Variants in ZBTB4 observed in about 807,000 individuals in gnomAD.
ZBTB4 encodes the protein zinc finger and BTB domain containing 4, also known as zinc finger and BTB domain-containing protein 4.
A neutral mutation model predicts 59.8 loss-of-function variants in ZBTB4; 14 were observed. The ratio of observed to expected loss-of-function variants is 0.23; its 90% CI spans 0.15 to 0.37. The LOEUF (loss-of-function observed/expected upper bound fraction) is 0.37. Among genes scored for constraint, ZBTB4 ranks in the 10% least tolerant of loss-of-function variants. The pLI is 1.00. For missense variants in ZBTB4, 1,198 were observed against 1,380.8 expected, an observed-to-expected ratio of 0.87 and a Z score of 2.10; for synonymous variants, 587 against 575.2, an observed-to-expected ratio of 1.02 and a Z score of -0.29.
In ZBTB4 at chr17:7,466,760, G is replaced by A. The variant is rs577997124; in HGVS notation, c.42C>T (p.Pro14=). The change falls in exon 3 of 4, where the codon CCC becomes CCT. Residue 14 remains proline, a synonymous_variant. Coordinates refer to ENST00000380599, the MANE Select transcript of ZBTB4 (RefSeq NM_001128833.2). This position sits in a 1 kb window ranked among gnomAD's most constrained non-coding sequence, Gnocchi z 9.1. The part of the protein sequence containing the change: ...PAEVTDPSHA[P]AVLRQLNEQR... ...GTTCATTGAGCTGGCGCAGGACGGC[G>A]GGGGCATGGGACGGGTCCGTCACCT... 2.4e-5 allele frequency: 38 copies of A among 1,587,334 alleles called. No individual in the cohort carries two copies. The highest frequency in any genetic ancestry group is 1.9e-4 in the South Asian group (17 of 87,516).
rs750767210 is a variant in ZBTB4 at position 7,462,354 on chromosome 17, T to C, written c.2628A>G (p.Pro876=). The C allele has an allele frequency of 3.7e-6, 6 of 1,613,616 alleles. No homozygotes were observed. The highest frequency in any genetic ancestry group is 5.1e-6 in the Non-Finnish European group (6 of 1,179,938). The change falls in exon 4 of 4, where the codon CCA becomes CCG. Residue 876 remains proline (P), a synonymous_variant. Coordinates refer to ENST00000380599, the MANE Select transcript of ZBTB4 (RefSeq NM_001128833.2). The surrounding 1 kb of genome is among the most constrained non-coding windows in gnomAD (Gnocchi z 7.5). ...SYVYPPVQEF[P]LALIGGGREP... ...CCCGGCCGCCCCCAATCAAGGCCAG[T>C]GGAAATTCCTGCACAGGTGGGTATA...
Position 7,466,101 on chromosome 17 carries a change from A to G in ZBTB4, c.701T>C (p.Leu234Pro). ...GCTTTTTCCACACTGGGGGCAGGGG[A>G]GGGGCCGCCGGGGCAGGGAGCACTG... ...DLQCSLPRRP[L>P]PCPQCGKSFI... Residue 234 changes from leucine (L) to proline (P), a missense_variant, in exon 3 of 4, where the codon CTC becomes CCC. Transcript: ENST00000380599. This position sits in a 1 kb window ranked among gnomAD's most constrained non-coding sequence, Gnocchi z 9.1. 6.2e-7 allele frequency: 1 copy of G among 1,605,680 alleles called. No individual in the cohort carries two copies. The highest frequency in any genetic ancestry group is 8.5e-7 in the Non-Finnish European group (1 of 1,175,068).
chr17:7,479,047 C>T (rs376829527), intron 1 of ZBTB4, among the ~76,000 whole-genome samples: 1 of 152,130 alleles, frequency 6.6e-6, no homozygotes, highest in Non-Finnish European at 1.5e-5. Context: ...CTCTGCCTGG[C>T]TCCTACGCCA....
At chr17:7,478,991 C>G (rs2070306778) in intron 1 of ZBTB4, among the ~76,000 whole-genome samples, 1 of 152,196 alleles carries the variant, frequency 6.6e-6, no homozygotes, top group Non-Finnish European at 1.5e-5. Context: ...CCTGCGCACC[C>G]CGCACACCCC....
rs749423536 is a variant in ZBTB4, at chr17:7,463,029, ATCC to A, written c.1950_1952del (p.Glu650del). On this transcript the variant is annotated inframe_deletion, in exon 4 of 4. Coordinates refer to ENST00000380599, the MANE Select transcript of ZBTB4 (RefSeq NM_001128833.2). ...CCCCACCAGCCTTTGATTCCTCCTC[ATCC>A]TCCTCCTCCTCCTCTTCGTCCTCCT... is the stretch of plus-strand genomic sequence containing the variant. The A allele has an allele frequency of 3.4e-4, 542 of 1,607,048 alleles. No individual in the cohort carries two copies. Among genetic ancestry groups the A allele is most frequent in the Middle Eastern group, 1.3e-3 (8 of 6,052 alleles).
At position 7,479,565 on chromosome 17, in the gene ZBTB4, T is replaced by TGGCCCCCACAGCGCCTGGCCCC. The variant is rs1597783054; in HGVS notation, c.-191_-190insGGGGCCAGGCGCTGTGGGGGCC. 1 of 167,800 alleles carries TGGCCCCCACAGCGCCTGGCCCC rather than the reference T, an allele frequency of 6.0e-6. No individual in the cohort carries two copies. Among genetic ancestry groups the TGGCCCCCACAGCGCCTGGCCCC allele is most frequent in the African/African-American group, 2.4e-5 (1 of 41,300 alleles). 10.4% of individuals were successfully genotyped at this position (167,800 alleles called of 1,614,324 possible). The stretch of plus-strand genomic sequence containing the variant: ...CCGGCTCCGGCTCCAGCTCCGGCCC[T>TGGCCCCCACAGCGCCTGGCCCC]GGCCCCCCCAGCGCCTGGCCCCGGC... On this transcript the variant is annotated 5_prime_UTR_variant, in exon 1 of 4. The change creates a premature stop within an existing upstream ORF in the 5' untranslated region. Transcript: ENST00000380599.
At chr17:7,471,182 G>GA (rs879299220) in intron 1 of ZBTB4, among the ~76,000 whole-genome samples, 9 of 136,918 alleles carry the variant, frequency 6.6e-5, no homozygotes, top group East Asian at 4.0e-4. Context: ...TGCCATTTAT[G>GA]AAAAAAATTT....
In ZBTB4 at chr17:7,466,555, C is replaced by G. The variant is rs2150855584; in HGVS notation, c.247G>C (p.Ala83Pro). 6.2e-7 allele frequency: 1 copy of G among 1,612,586 alleles called. No homozygotes were observed. The highest frequency in any genetic ancestry group is 8.5e-7 in the Non-Finnish European group (1 of 1,179,408). ...GAAPNPATTT[A>P]ASSSSSSSSS... The stretch of plus-strand genomic sequence containing the variant: ...GAAGAGGAGGAGGAGGAAGAGGCAG[C>G]TGTGGTGGTGGCAGGGTTGGGTGCG... Residue 83 changes from alanine (A) to proline (P), a missense_variant, in exon 3 of 4, where the codon GCT (alanine) becomes CCT (proline). Transcript: ENST00000380599. This position sits in a 1 kb window ranked among gnomAD's most constrained non-coding sequence, Gnocchi z 9.1.
chr17:7,483,972 C>T (rs1293426802), upstream of ZBTB4: 1 of 147,758 alleles, frequency 6.8e-6, no homozygotes, highest in East Asian at 1.9e-4. Flanking sequence ...CGCCCTTCCC[C>T]GGGAGGACCC....
At chr17:7,475,797 G>C (rs935291253) in intron 1 of ZBTB4, among the ~76,000 whole-genome samples, 3 of 152,120 alleles carry the variant, frequency 2.0e-5, no homozygotes, top group Admixed American at 6.6e-5. Flanking sequence ...TACCTTACTC[G>C]AGGTCGCACA....
intron 1 of ZBTB4, among the ~76,000 whole-genome samples, chr17:7,469,840 T>C (rs2070175711): frequency 6.6e-6 from 1 of 151,788 alleles, no homozygotes. Context: ...TCCTAGCAGT[T>C]TGGGAGGCAG....
intron 1 of ZBTB4, among the ~76,000 whole-genome samples, chr17:7,471,182 GA>G (rs879299220): frequency 1.0e-4 from 14 of 136,900 alleles, no homozygotes; most frequent in African/African-American, 1.4e-4. Context: ...TGCCATTTAT[GA>G]AAAAAATTTT....
chr17:7,473,205 C>G (rs1236326002), intron 1 of ZBTB4, among the ~76,000 whole-genome samples: 3 of 151,210 alleles, frequency 2.0e-5, no homozygotes, highest in South Asian at 4.2e-4. Flanking sequence ...CTCCGCCTCC[C>G]GGGTTCACGC....
intron 1 of ZBTB4, among the ~76,000 whole-genome samples, chr17:7,467,591 A>G (rs1180638167): frequency 6.6e-6 from 1 of 152,136 alleles, no homozygotes; most frequent in Non-Finnish European, 1.5e-5. Flanking sequence ...TGACAAGATA[A>G]TTTGCATATT....
intron 1 of ZBTB4, among the ~76,000 whole-genome samples, chr17:7,475,604 G>GC: frequency 6.6e-6 from 1 of 152,036 alleles, no homozygotes; most frequent in East Asian, 1.9e-4. Context: ...CGCCCAGCTA[G>GC]TTTTTTTATT....
At chr17:7,470,968 G>A (rs960721317) in intron 1 of ZBTB4, among the ~76,000 whole-genome samples, 1 of 152,160 alleles carries the variant, frequency 6.6e-6, no homozygotes, top group African/African-American at 2.4e-5. Flanking sequence ...GCAAAGTCAA[G>A]CTTTGCCTCC....
rs2070032203 is a variant in ZBTB4, at chr17:7,462,263, T to C, written c.2719A>G (p.Met907Val). The change falls in exon 4 of 4, where the codon ATG becomes GTG. Residue 907 changes from methionine to valine, a missense_variant. By Grantham distance (21) the Met-to-Val change is conservative (BLOSUM62 1). Around this residue, in one of 9 missense-constraint regions of ZBTB4, gnomAD observed 211 missense variants for 236.1 expected, o/e 0.89. Transcript: ENST00000380599. The surrounding 1 kb of genome is among the most constrained non-coding windows in gnomAD (Gnocchi z 7.5). ...ACTTTGGCAGCCCCTATCCCCTCCA[T>C]CCGGTCCCCCTCACCAGCCCCCACT... ...GPVGAGEGDR[M>V]EGIGAAKVTF... 1 of 1,613,648 alleles carries C rather than the reference T, an allele frequency of 6.2e-7. No homozygotes were observed. Among genetic ancestry groups the C allele is most frequent in the Non-Finnish European group, 8.5e-7 (1 of 1,179,794 alleles).
chr17:7,482,337 C>T (rs771543992), upstream of ZBTB4: 1 of 1,614,036 alleles, frequency 6.2e-7, no homozygotes, highest in Non-Finnish European at 8.5e-7. Context: ...ATTGGATGTG[C>T]CTACAGTGCG....
chr17:7,466,832 C>T lies in ZBTB4; in HGVS notation c.-9-22G>A, dbSNP rs1257891764. 11 of 1,504,478 alleles carry T rather than the reference C, an allele frequency of 7.3e-6. No individual in the cohort carries two copies. The highest frequency in any genetic ancestry group is 2.2e-5 in the Admixed American group (1 of 46,174). The allele number at this position is 1,504,478 out of a possible 1,614,324, so 93.2% of individuals were successfully genotyped here. ...CAGCCTAGACAGTGGGAGAAGAGGC[C>T]GGGTAGAGTCTCAGAGGCTGGGCAG... On this transcript the variant is annotated intron_variant, in intron 2 of 3. Coordinates refer to ENST00000380599, the MANE Select transcript of ZBTB4 (RefSeq NM_001128833.2). This position sits in a 1 kb window ranked among gnomAD's most constrained non-coding sequence, Gnocchi z 9.1.
Sources: gnomAD v4.1 joint callset for allele counts (sites outside exome capture counted in the v4.1 genomes callset) on GRCh38, gnomAD v4.1.1 for gene constraint, gnomAD v4.1.1 regional missense constraint, Gnocchi (gnomAD v3.1) non-coding constraint, MANE v1.5 for transcripts, NCBI Gene and HGNC (gene_info 2026-07-23, HGNC 2026-07-21) for gene names.